SLC12A2: variants seen among roughly 807,000 people sequenced by gnomAD.
SLC12A2 encodes Na-K-2Cl cotransporter 1.
A neutral mutation model predicts 136.3 loss-of-function variants in SLC12A2; 67 were observed. The observed-to-expected ratio is 0.49, with a 90% CI of 0.40 to 0.60. The LOEUF (loss-of-function observed/expected upper bound fraction) is 0.60. Ranked by LOEUF, SLC12A2 falls within the 20% of genes least tolerant of loss-of-function variation. The pLI, the probability that SLC12A2 is intolerant of heterozygous loss-of-function variation, is 0.00. For synonymous variants in SLC12A2, 619 were observed against 562.9 expected, an observed-to-expected ratio of 1.10 and a Z score of -1.41; for missense variants, 1,322 against 1,534.7, an observed-to-expected ratio of 0.86 and a Z score of 2.32.
At chr5:128,152,585 G>C in intron 14 of SLC12A2, 121 bp from the exon 15 acceptor site, 1 of 695,556 alleles carries the variant, frequency 1.4e-6, no homozygotes, top group Non-Finnish European at 2.7e-6. Context: ...AAGTACAATA[G>C]TGTATTTCAG....
intron 1 of SLC12A2, among the ~76,000 whole-genome samples, chr5:128,087,505 A>G (rs906412729): frequency 1.3e-5 from 2 of 152,184 alleles, no homozygotes; most frequent in African/African-American, 4.8e-5. Flanking sequence ...TGAGACCTGA[A>G]GGGTAAGTTG....
intron 15 of SLC12A2, among the ~76,000 whole-genome samples, chr5:128,153,572 T>G (rs1199448646): frequency 6.6e-6 from 1 of 152,122 alleles, no homozygotes; most frequent in Non-Finnish European, 1.5e-5. Flanking sequence ...AAAAAAAGAA[T>G]ATATTATCTT....
At chr5:128,122,150 A>G (rs566083882) in intron 4 of SLC12A2, among the ~76,000 whole-genome samples, 2 of 152,244 alleles carry the variant, frequency 1.3e-5, no homozygotes, top group Non-Finnish European at 2.9e-5. Context: ...GACTAAGTTA[A>G]AAGCAGAGGT....
intron 1 of SLC12A2, chr5:128,110,845 T>C: frequency 1.4e-6 from 2 of 1,460,876 alleles, no homozygotes; most frequent in Non-Finnish European, 1.9e-6. Context: ...TGATGACATA[T>C]TCTGTTATTA....
intron 4 of SLC12A2, among the ~76,000 whole-genome samples, chr5:128,119,304 A>G (rs1761466156): frequency 6.6e-6 from 1 of 152,126 alleles, no homozygotes; most frequent in African/African-American, 2.4e-5. Flanking sequence ...GAGGAAATAA[A>G]TTTTCTTAAA....
intron 16 of SLC12A2, among the ~76,000 whole-genome samples, chr5:128,161,288 A>C (rs1043081882): frequency 3.3e-5 from 5 of 152,192 alleles, no homozygotes; most frequent in Admixed American, 2.0e-4. Context: ...GACATTTGGG[A>C]GTAACAAAAA....
intron 10 of SLC12A2, among the ~76,000 whole-genome samples, chr5:128,142,554 G>T (rs887955621): frequency 6.6e-6 from 1 of 152,092 alleles, no homozygotes; most frequent in Non-Finnish European, 1.5e-5. Context: ...ATTAGTGTGT[G>T]TGTTTTTATA....
chr5:128,136,644 T>C (rs554858742), intron 7 of SLC12A2, among the ~76,000 whole-genome samples: 1 of 152,260 alleles, frequency 6.6e-6, no homozygotes, highest in South Asian at 2.1e-4. Flanking sequence ...TCCTTCTCCT[T>C]CTTGAAACAT....
intron 7 of SLC12A2, 76 bp from the exon 8 acceptor site, chr5:128,138,521 C>G: frequency 7.6e-7 from 1 of 1,317,922 alleles, no homozygotes; most frequent in Non-Finnish European, 1.0e-6. Flanking sequence ...GTCATGTATA[C>G]CTATTATTCT....
intron 6 of SLC12A2, among the ~76,000 whole-genome samples, chr5:128,135,289 C>T (rs1762149355): frequency 6.6e-6 from 1 of 151,898 alleles, no homozygotes; most frequent in South Asian, 2.1e-4. Flanking sequence ...ATGTTTGGAC[C>T]ATGTATAAAA....
chr5:128,157,947 C>T, intron 15 of SLC12A2, 106 bp from the exon 16 acceptor site: 1 of 834,366 alleles, frequency 1.2e-6, no homozygotes, highest in Non-Finnish European at 1.9e-6. Flanking sequence ...TGGCCTGTGT[C>T]TTAAGGACAG....
At chr5:128,184,908 T>C (rs1232205223) in intron 26 of SLC12A2, 52 bp downstream of exon 26, 1 of 1,440,206 alleles carries the variant, frequency 6.9e-7, no homozygotes, top group Non-Finnish European at 9.8e-7. Flanking sequence ...TAATATGCTT[T>C]GAATTAATTT....
chr5:128,095,619 C>T (rs1760504022), intron 1 of SLC12A2, among the ~76,000 whole-genome samples: 1 of 152,012 alleles, frequency 6.6e-6, no homozygotes, highest in African/African-American at 2.4e-5. Flanking sequence ...TGGCCCAGGA[C>T]AGCTTTGAAT....
Position 128,182,927 on chromosome 5 carries a change from A to G in SLC12A2, c.3285A>G (p.Lys1095=). The G allele has an allele frequency of 1.2e-6, 2 of 1,606,530 alleles. No individual in the cohort carries two copies. Among genetic ancestry groups the G allele is most frequent in the Non-Finnish European group, 1.7e-6 (2 of 1,175,202 alleles). ...DIMVLGDINT[K]PKKENIIAFE... ...TGGTTCTAGGAGATATCAATACCAA[A>G]CCAAAGAAAGAAAAGTAAGTTACTC... The change falls in exon 24 of 27, where the codon AAA becomes AAG. Residue 1095 remains lysine (K), a synonymous_variant. Coordinates refer to ENST00000262461, the MANE Select transcript of SLC12A2 (RefSeq NM_001046.3).
At chr5:128,182,715 G>T in intron 23 of SLC12A2, 140 bp from the exon 24 acceptor site, 2 of 554,662 alleles carry the variant, frequency 3.6e-6, no homozygotes, top group Non-Finnish European at 6.4e-6. Flanking sequence ...GTGAATGAAT[G>T]GTGTGAATTA....
chr5:128,116,125 G>C (rs1206135837), intron 4 of SLC12A2, among the ~76,000 whole-genome samples: 1 of 152,158 alleles, frequency 6.6e-6, no homozygotes, highest in Admixed American at 6.5e-5. Flanking sequence ...AGTGGGAAGA[G>C]AAATGGGCTG....
At chr5:128,110,580 A>G in intron 1 of SLC12A2, 2 of 1,139,440 alleles carry the variant, frequency 1.8e-6, no homozygotes, top group Non-Finnish European at 2.7e-6. Context: ...ATAAGTATCA[A>G]ATAAATATTG....
At chr5:128,118,205 T>C (rs1761425554) in intron 4 of SLC12A2, among the ~76,000 whole-genome samples, 1 of 152,144 alleles carries the variant, frequency 6.6e-6, no homozygotes, top group Non-Finnish European at 1.5e-5. Flanking sequence ...ACAGCAGTCT[T>C]CCTGCTGGGT....
At chr5:128,157,651 A>G (rs1220770082) in intron 15 of SLC12A2, among the ~76,000 whole-genome samples, 1 of 152,192 alleles carries the variant, frequency 6.6e-6, no homozygotes, top group Non-Finnish European at 1.5e-5. Flanking sequence ...AGAAAATGAA[A>G]AATTGTTACA....
Sources: allele counts gnomAD v4.1 joint callset (sites outside exome capture counted in the v4.1 genomes callset), GRCh38; gene constraint gnomAD v4.1.1; transcripts MANE v1.5; gene names NCBI Gene and HGNC (gene_info 2026-07-23, HGNC 2026-07-21).